The following KCTD1 variants were observed in gnomAD, a reference collection of about 807,000 sequenced individuals.
The protein encoded by KCTD1 is BTB/POZ domain-containing protein KCTD1.
In KCTD1, 24 loss-of-function variants were observed where a neutral mutation model predicts 66.0. The observed-to-expected ratio is 0.36, with a 90% CI of 0.26 to 0.51. The LOEUF is 0.51. Among genes scored for constraint, KCTD1 ranks in the 20% least tolerant of loss-of-function variants. The pLI is 0.95. For synonymous variants in KCTD1, 511 were observed against 517.2 expected (o/e 0.99, Z 0.16); for missense variants, 943 against 1,205.2 (o/e 0.78, Z 3.22).
At chr18:26,570,448 GC>G (rs1224035805) in intron 1 of KCTD1, among the ~76,000 whole-genome samples, 1 of 151,830 alleles carries the variant, frequency 6.6e-6, no homozygotes, top group African/African-American at 2.4e-5. Context: ...TTGCTCTGTT[GC>G]CCAGGCTGGA....
intron 1 of KCTD1, among the ~76,000 whole-genome samples, chr18:26,505,470 C>A (rs757699493): frequency 6.6e-6 from 1 of 152,232 alleles, no homozygotes; most frequent in South Asian, 2.1e-4. Context: ...ACGAAGAACC[C>A]GGGAGAGGAA....
rs146107679 is a variant in KCTD1, at chr18:26,455,686, TTTTG to T, written c.*53_*56del. Reference sequence around the variant, plus strand: ...TCCCAACTGCACATAAATGTCCCTTTTTTGTTTGAGTTATTGGTTGTGTGTGTTT... The same window carrying T: ...TCCCAACTGCACATAAATGTCCCTTTTTTGAGTTATTGGTTGTGTGTGTTT... On this transcript the variant is annotated 3_prime_UTR_variant, in exon 5 of 5. Transcript: ENST00000580059. 236,091 of 1,609,596 alleles carry T rather than the reference TTTTG, an allele frequency of 0.15. 19,187 individuals are homozygous for T. Among genetic ancestry groups the T allele is most frequent in the Non-Finnish European group, 0.16 (191,205 of 1,178,070 alleles).
At position 26,504,428 on chromosome 18, in the gene KCTD1, G is replaced by A. The variant is rs142318485; in HGVS notation, c.1810-3178C>T. 1.8e-4 allele frequency among the ~76,000 whole-genome samples: 28 copies of A among 152,192 alleles called. No individual in the cohort carries two copies. The East Asian group carries it at 3.7e-3, about 20-fold the overall frequency. ...GTATTTTTAGTAGAGACAGGGTTTC[G>A]CCATGTTGCCCAGACTGGTCTTGAA... On this transcript the variant is annotated intron_variant, in intron 1 of 4. Transcript: ENST00000580059.
At chr18:26,602,696 T>C (rs185875111) in intron 1 of KCTD1, among the ~76,000 whole-genome samples, 53 of 152,334 alleles carry the variant, frequency 3.5e-4, no homozygotes, top group African/African-American at 1.2e-3. Context: ...ATAGATCTCA[T>C]AAATTCCCCT....
intron 1 of KCTD1, chr18:26,545,342 C>T (rs1455904339): frequency 6.6e-6 from 1 of 152,206 alleles, no homozygotes; most frequent in African/African-American, 2.4e-5. Context: ...TTAAAATTCA[C>T]TAACACAACC....
chr18:26,553,741 A>G (rs575241890), intron 1 of KCTD1, among the ~76,000 whole-genome samples: 1 of 152,196 alleles, frequency 6.6e-6, no homozygotes, highest in Non-Finnish European at 1.5e-5. Context: ...GAACATTCAT[A>G]CACATTTGAC....
intron 3 of KCTD1, among the ~76,000 whole-genome samples, chr18:26,473,785 G>A (rs1040320211): frequency 2.6e-5 from 4 of 152,166 alleles, no homozygotes; most frequent in Non-Finnish European, 4.4e-5. Context: ...TTGGCTGGGA[G>A]CAGCGGGCTC....
upstream of KCTD1, among the ~76,000 whole-genome samples, chr18:26,551,087 C>T (rs1352102992): frequency 6.6e-6 from 1 of 152,338 alleles, no homozygotes; most frequent in African/African-American, 2.4e-5. Flanking sequence ...GGGTCCACCC[C>T]CCTCCCACCA....
At chr18:26,467,861 C>T (rs1464090161) in intron 3 of KCTD1, among the ~76,000 whole-genome samples, 2 of 152,126 alleles carry the variant, frequency 1.3e-5, no homozygotes, top group African/African-American at 4.8e-5. Flanking sequence ...ACCCAATAGA[C>T]TTTTGAACAT....
intron 1 of KCTD1, among the ~76,000 whole-genome samples, chr18:26,520,256 G>A (rs1983846422): frequency 6.6e-6 from 1 of 152,180 alleles, no homozygotes. Flanking sequence ...TAAGCACAGT[G>A]ACCAGCTTCC....
chr18:26,599,872 G>T lies in KCTD1; in HGVS notation c.-16+29275C>A, dbSNP rs574644266. 10 of 1,552,052 alleles carry T rather than the reference G, an allele frequency of 6.4e-6. No homozygotes were observed. The African/African-American group carries it at 1.4e-4, about 21-fold the overall frequency. Reference sequence around the variant, plus strand: ...TCATGAAAGTGACAGCCTGCTGTTTGTTCAGATCACAGGCAAAAAGCAAAA... The same window carrying T: ...TCATGAAAGTGACAGCCTGCTGTTTTTTCAGATCACAGGCAAAAAGCAAAA... On this transcript the variant is annotated intron_variant, in intron 1 of 4. Transcript: ENST00000317932.
Position 26,569,648 on chromosome 18 carries a change from G to T in KCTD1, c.-16+59499C>A, listed in dbSNP as rs976987613. Reference sequence around the variant, plus strand: ...TGACAACTAAACTGTTACATTAATTGTTGAGGGGGAAGAAGGGGTACAGAT... The same window carrying T: ...TGACAACTAAACTGTTACATTAATTTTTGAGGGGGAAGAAGGGGTACAGAT... On this transcript the variant is annotated intron_variant, in intron 1 of 4. Transcript: ENST00000317932. Among the ~76,000 whole-genome samples, 5 of 152,098 alleles carry T rather than the reference G, an allele frequency of 3.3e-5. No individual in the cohort carries two copies. In the South Asian group the frequency reaches 8.3e-4, roughly 25 times the overall value.
At chr18:26,626,316 A>G (rs1170927558) in intron 1 of KCTD1, among the ~76,000 whole-genome samples, 1 of 152,196 alleles carries the variant, frequency 6.6e-6, no homozygotes, top group Non-Finnish European at 1.5e-5. Context: ...ACAGGGCTTG[A>G]GGGAAGCAGA....
At chr18:26,470,169 T>A (rs1365217357) in intron 3 of KCTD1, among the ~76,000 whole-genome samples, 2 of 152,214 alleles carry the variant, frequency 1.3e-5, no homozygotes, top group Non-Finnish European at 2.9e-5. Context: ...GCTTAATATG[T>A]GGCAGGTGCT....
At chr18:26,538,972 C>G (rs1984845063) in intron 1 of KCTD1, among the ~76,000 whole-genome samples, 1 of 152,242 alleles carries the variant, frequency 6.6e-6, no homozygotes, top group Non-Finnish European at 1.5e-5. Flanking sequence ...TGTGTCTCTG[C>G]ATACTTATGT....
At chr18:26,619,006 C>A (rs1987316517) in intron 1 of KCTD1, among the ~76,000 whole-genome samples, 1 of 152,188 alleles carries the variant, frequency 6.6e-6, no homozygotes, top group Admixed American at 6.5e-5. Flanking sequence ...TCCCTGGAGT[C>A]TTCGGCCTTC....
intron 1 of KCTD1, among the ~76,000 whole-genome samples, chr18:26,523,994 A>G (rs1984038527): frequency 6.6e-6 from 1 of 152,214 alleles, no homozygotes; most frequent in Admixed American, 6.5e-5. Context: ...GCAGTCATTG[A>G]GCAGGATTTG....
Position 26,546,818 on chromosome 18 carries a change from G to C in KCTD1, c.1719C>G (p.His573Gln). 2 of 1,538,160 alleles carry C rather than the reference G, an allele frequency of 1.3e-6. No homozygotes were observed. Among genetic ancestry groups the C allele is most frequent in the Non-Finnish European group, 1.8e-6 (2 of 1,141,834 alleles). Residue 573 changes from histidine to glutamine, a missense_variant, in exon 1 of 5, where the codon CAC becomes CAG. By Grantham distance (24) the His-to-Gln change is conservative. Transcript: ENST00000580059. ...VDAVVVVSVK[H>Q]DPLPLLPEAN... ...CTTCTGGAAGAAGAGGCAGGGGGTC[G>C]TGTTTCACGGAAACCACCACCACCG...
At chr18:26,575,962 C>A (rs920847181) in intron 1 of KCTD1, among the ~76,000 whole-genome samples, 1 of 152,194 alleles carries the variant, frequency 6.6e-6, no homozygotes, top group African/African-American at 2.4e-5. Flanking sequence ...TAAATGCTTA[C>A]ACATTCCAGA....
Sources: gnomAD v4.1 joint callset for allele counts (sites outside exome capture counted in the v4.1 genomes callset) on GRCh38, gnomAD v4.1.1 for gene constraint, MANE v1.5 for transcripts, NCBI Gene and HGNC (gene_info 2026-07-23, HGNC 2026-07-21) for gene names.